The following HORMAD2 variants were observed in gnomAD, a reference collection of about 807,000 sequenced individuals.
The protein encoded by HORMAD2 is HORMA domain containing 2, also known as HORMA domain-containing protein 2.
A neutral mutation model predicts 38.8 loss-of-function variants in HORMAD2; 45 were observed. The observed-to-expected ratio is 1.16, with a 90% CI of 0.91 to 1.49. The LOEUF is 1.49. HORMAD2 is among the 40% of genes most tolerant of loss of function. The pLI is 0.00. For synonymous variants in HORMAD2, 126 were observed against 122.8 expected, an observed-to-expected ratio of 1.03 and a Z score of -0.17; for missense variants, 338 against 367.0, an observed-to-expected ratio of 0.92 and a Z score of 0.65.
At chr22:30,103,346 A>G in intron 3 of HORMAD2, 91 bp from the exon 4 acceptor site, 1 of 719,390 alleles carries the variant, frequency 1.4e-6, no homozygotes, top group Non-Finnish European at 2.4e-6. Context: ...CATAAATAAA[A>G]TAGTTAAAGG....
chr22:30,174,514 A>G (rs1926313796), intron 10 of HORMAD2, among the ~76,000 whole-genome samples: 1 of 152,174 alleles, frequency 6.6e-6, no homozygotes, highest in African/African-American at 2.4e-5. Flanking sequence ...ACCTTGAGAT[A>G]TTGAAGATAT....
chr22:30,167,365 T>G (rs1925850218), intron 10 of HORMAD2, among the ~76,000 whole-genome samples: 1 of 152,188 alleles, frequency 6.6e-6, no homozygotes. Flanking sequence ...GCTGCAGAAT[T>G]TAGGACATGA....
the HORMAD2 span, chr22:30,207,091 G>A: frequency 1.7e-5 from 8 of 470,536 alleles, no homozygotes; most frequent in East Asian, 1.4e-4. Flanking sequence ...CCAGCTCAGC[G>A]GCTGTGGTAC....
intron 10 of HORMAD2, among the ~76,000 whole-genome samples, chr22:30,173,533 G>A (rs547297840): frequency 6.6e-6 from 1 of 152,314 alleles, no homozygotes; most frequent in Admixed American, 6.5e-5. Context: ...GACACCTTGG[G>A]TGAGTGAGAA....
intron 10 of HORMAD2, among the ~76,000 whole-genome samples, chr22:30,174,137 A>G (rs1272213762): frequency 6.6e-6 from 1 of 152,250 alleles, no homozygotes; most frequent in Non-Finnish European, 1.5e-5. Context: ...GTCTGCATCA[A>G]GAAACACTTA....
At chr22:30,091,608 G>A (rs764203536) in intron 1 of HORMAD2, among the ~76,000 whole-genome samples, 1 of 152,100 alleles carries the variant, frequency 6.6e-6, no homozygotes, top group Non-Finnish European at 1.5e-5. Context: ...CACTTAGGTT[G>A]ATTCCATATC....
chr22:30,164,454 A>C lies in HORMAD2; in HGVS notation c.820-11609A>C, dbSNP rs1327671780. Among the ~76,000 whole-genome samples, 3 of 152,206 alleles carry C rather than the reference A, an allele frequency of 2.0e-5. No homozygotes were observed. In the South Asian group the frequency reaches 6.2e-4, roughly 31 times the overall value. On this transcript the variant is annotated intron_variant, in intron 10 of 10. Coordinates refer to ENST00000336726, the MANE Select transcript of HORMAD2 (RefSeq NM_152510.4). Reference sequence around the variant, plus strand: ...GTTCCAGTTTCTTCACAGCATCCCCAACTTGTTATTTTCTGTTTTATTTTT... The same window carrying C: ...GTTCCAGTTTCTTCACAGCATCCCCCACTTGTTATTTTCTGTTTTATTTTT...
chr22:30,089,867 A>G (rs1244849068), intron 1 of HORMAD2, among the ~76,000 whole-genome samples: 1 of 152,160 alleles, frequency 6.6e-6, no homozygotes, highest in Non-Finnish European at 1.5e-5. Flanking sequence ...CTCTATACCT[A>G]TTAAACTCTT....
At chr22:30,152,755 G>T (rs1924830645) in intron 10 of HORMAD2, among the ~76,000 whole-genome samples, 2 of 151,416 alleles carry the variant, frequency 1.3e-5, no homozygotes, top group African/African-American at 4.9e-5. Context: ...TTTTGCTTTT[G>T]TTCTTTCTTC....
chr22:30,200,951 C>T, the HORMAD2 span, among the ~76,000 whole-genome samples: 4 of 151,858 alleles, frequency 2.6e-5, no homozygotes, highest in East Asian at 1.9e-4. Context: ...GGTTTCACCA[C>T]GTTGACCAGG....
At chr22:30,162,372 G>A (rs1002907223) in intron 10 of HORMAD2, among the ~76,000 whole-genome samples, 4 of 151,696 alleles carry the variant, frequency 2.6e-5, no homozygotes, top group Non-Finnish European at 5.9e-5. Context: ...TAATACAGCA[G>A]CCACTAGCCA....
In HORMAD2 at chr22:30,121,976, A is replaced by G; in HGVS notation, c.581A>G (p.Asp194Gly). The G allele has an allele frequency of 6.2e-7, 1 of 1,611,158 alleles. No individual in the cohort carries two copies. Among genetic ancestry groups the G allele is most frequent in the South Asian group, 1.1e-5 (1 of 90,672 alleles). ...TTTCATTTCGCAGTGACCCCACATG[A>G]TTACCAACCCCTCGGTTTTAAAGAA... is the stretch of plus-strand genomic sequence containing the variant. ...LHYYNAVTPH[D>G]YQPLGFKEGV... The change falls in exon 10 of 11, where the codon GAT becomes GGT. Residue 194 changes from aspartate (D) to glycine (G), a missense_variant. Transcript: ENST00000336726.
chr22:30,123,989 TC>T (rs1922649091), intron 10 of HORMAD2, among the ~76,000 whole-genome samples: 1 of 151,750 alleles, frequency 6.6e-6, no homozygotes, highest in South Asian at 2.1e-4. Context: ...AGAATTTCTT[TC>T]TTTTTTTTTT....
chr22:30,100,645 G>A (rs1920936407), intron 3 of HORMAD2, among the ~76,000 whole-genome samples: 1 of 152,264 alleles, frequency 6.6e-6, no homozygotes, highest in Admixed American at 6.5e-5. Context: ...AGAGTGAACA[G>A]GAAACATACA....
intron 7 of HORMAD2, among the ~76,000 whole-genome samples, chr22:30,115,487 CT>C (rs889207526): frequency 6.6e-6 from 1 of 152,078 alleles, no homozygotes; most frequent in African/African-American, 2.4e-5. Flanking sequence ...CTTTTAGATA[CT>C]TTATTTTAGA....
chr22:30,116,882 G>A (rs1922081027), intron 7 of HORMAD2, among the ~76,000 whole-genome samples: 1 of 152,192 alleles, frequency 6.6e-6, no homozygotes, highest in South Asian at 2.1e-4. Flanking sequence ...CAGGAAGAAT[G>A]AGCATTGTTT....
At chr22:30,086,324 T>C (rs561864517) in intron 1 of HORMAD2, among the ~76,000 whole-genome samples, 24 of 152,182 alleles carry the variant, frequency 1.6e-4, no homozygotes, top group Non-Finnish European at 2.6e-4. Context: ...TAGTTCTTTA[T>C]AGCAATGCAA....
intron 10 of HORMAD2, among the ~76,000 whole-genome samples, chr22:30,165,588 A>G (rs1237983155): frequency 6.6e-6 from 1 of 152,144 alleles, no homozygotes; most frequent in Non-Finnish European, 1.5e-5. Flanking sequence ...ATGTTGCTTA[A>G]GAGGGTCTTC....
chr22:30,169,126 A>G (rs1461522022), intron 10 of HORMAD2, among the ~76,000 whole-genome samples: 2 of 152,132 alleles, frequency 1.3e-5, no homozygotes, highest in African/African-American at 2.4e-5. Flanking sequence ...CTCATCTTGC[A>G]TTACTTAGTT....
Sources: gnomAD v4.1 joint callset for allele counts (sites outside exome capture counted in the v4.1 genomes callset) on GRCh38, gnomAD v4.1.1 for gene constraint, MANE v1.5 for transcripts, NCBI Gene and HGNC (gene_info 2026-07-23, HGNC 2026-07-21) for gene names.